CDH12: variants seen among roughly 807,000 people sequenced by gnomAD.
CDH12 encodes the protein cadherin-12.
Under a neutral mutation model 74.1 loss-of-function variants are expected in CDH12, and 41 were observed. The ratio of observed to expected loss-of-function variants is 0.55; its 90% CI spans 0.43 to 0.72. CDH12 has a LOEUF of 0.72. CDH12 is among the 30% of genes least tolerant of loss of function. The pLI, the probability that CDH12 is intolerant of heterozygous loss-of-function variation, is 0.00. For synonymous variants in CDH12, 399 were observed against 355.0 expected (o/e 1.12, Z -1.39); for missense variants, 945 against 977.2 (o/e 0.97, Z 0.44).
At chr5:22,231,198 T>C (rs1421121367) in intron 3 of CDH12, among the ~76,000 whole-genome samples, 4 of 152,154 alleles carry the variant, frequency 2.6e-5, no homozygotes, top group Admixed American at 2.6e-4. Flanking sequence ...TATCTAAAAT[T>C]TAACAATAAA....
At chr5:22,312,629 A>G (rs1433402795) in intron 3 of CDH12, among the ~76,000 whole-genome samples, 2 of 152,202 alleles carry the variant, frequency 1.3e-5, no homozygotes, top group African/African-American at 4.8e-5. Context: ...TTAGACAGTT[A>G]AAAAGTTAAA....
chr5:22,288,467 T>C (rs2150411550), intron 3 of CDH12, among the ~76,000 whole-genome samples: 1 of 152,298 alleles, frequency 6.6e-6, no homozygotes, highest in South Asian at 2.1e-4. Flanking sequence ...TACATATGTG[T>C]GTGTATGTAC....
chr5:21,836,024 G>T (rs1042293571), intron 8 of CDH12, among the ~76,000 whole-genome samples: 5 of 151,642 alleles, frequency 3.3e-5, no homozygotes, highest in African/African-American at 1.2e-4. Flanking sequence ...TATATATGTT[G>T]TTTTTAATCT....
In CDH12 at chr5:21,783,476, C is replaced by A. The variant is rs371250155; in HGVS notation, c.1275G>T (p.Lys425Asn). The stretch of plus-strand genomic sequence containing the variant: ...TTGTAAAGTAGCTGTCCCCATCACT[C>A]TTCCAATCTATGAAGTACCTGTATA... ...SSAVRYFIDW[K>N]SDGDSYFTID... Residue 425 changes from lysine to asparagine, a missense_variant, in exon 11 of 15, where the codon AAG becomes AAT. By Grantham distance (94) the Lys-to-Asn change is moderately conservative. Around this residue, in one of 3 missense-constraint regions of CDH12, gnomAD observed 791 missense variants for 792.8 expected, o/e 1.00. Transcript: ENST00000382254. 8.1e-6 allele frequency: 13 copies of A among 1,607,134 alleles called. No individual in the cohort carries two copies. In the African/African-American group the frequency reaches 1.6e-4, roughly 20 times the overall value.
At position 22,831,845 on chromosome 5, in the gene CDH12, C is replaced by T. The variant is rs1736628281; in HGVS notation, c.-523+21213G>A. 2.0e-5 allele frequency among the ~76,000 whole-genome samples: 3 copies of T among 151,810 alleles called. No homozygotes were observed. In the South Asian group the frequency reaches 6.2e-4, roughly 32 times the overall value. ...CTGGGAGGTGGAGGTTACAGTATGCCGAGATTGCACCACCGCACTCCAGCC... is the reference window on the plus strand; with the variant it reads ...CTGGGAGGTGGAGGTTACAGTATGCTGAGATTGCACCACCGCACTCCAGCC... On this transcript the variant is annotated intron_variant, in intron 1 of 14. Transcript: ENST00000382254.
intron 1 of CDH12, among the ~76,000 whole-genome samples, chr5:22,590,642 A>G (rs941714274): frequency 3.3e-5 from 5 of 152,204 alleles, no homozygotes; most frequent in Admixed American, 6.5e-5. Flanking sequence ...TAATATACTT[A>G]TTTATGTGAC....
At position 22,017,783 on chromosome 5, in the gene CDH12, C is replaced by T. The variant is rs529828139; in HGVS notation, c.232-42398G>A. Among the ~76,000 whole-genome samples, 7 of 144,890 alleles carry T rather than the reference C, an allele frequency of 4.8e-5. No homozygotes were observed. The East Asian group carries it at 1.4e-3, about 29-fold the overall frequency. ...CCATTCTTTTTTTTTTTTTTTGAGA[C>T]AGTTTTGCTCTTGTTGCCCAGGCTG... On this transcript the variant is annotated intron_variant, in intron 5 of 14. Transcript: ENST00000382254.
chr5:22,498,901 C>CTTTTTTTTTTTTTTTTT (rs34550762), intron 2 of CDH12, among the ~76,000 whole-genome samples: 96 of 73,404 alleles, frequency 1.3e-3, no homozygotes, highest in South Asian at 1.7e-3. Flanking sequence ...TTTTCTGTTT[C>CTTTTTTTTTTTTTTTTT]TTTTTTTTTT....
At chr5:22,248,990 C>T (rs970536063) in intron 3 of CDH12, among the ~76,000 whole-genome samples, 1 of 152,004 alleles carries the variant, frequency 6.6e-6, no homozygotes, top group Non-Finnish European at 1.5e-5. Flanking sequence ...CTTTCTTCTA[C>T]CTTTTACCGT....
At chr5:22,441,378 TA>T (rs764186935) in intron 2 of CDH12, among the ~76,000 whole-genome samples, 4 of 152,090 alleles carry the variant, frequency 2.6e-5, no homozygotes, top group South Asian at 4.1e-4. Context: ...TCATTGAAGA[TA>T]TTTTTTTTTT....
rs568895357 is a variant in CDH12, at chr5:22,654,108, C to A, written c.-522-148744G>T. Among the ~76,000 whole-genome samples the A allele has an allele frequency of 6.0e-5, 9 of 149,964 alleles. No homozygotes were observed. In the East Asian group the frequency reaches 1.8e-3, roughly 30 times the overall value. ...CCTTCCTTTCTTCCTTCCTTCCTTCCCTGTCCTTCCCGTTCCTTCTCCCTT... is the reference window on the plus strand; with the variant it reads ...CCTTCCTTTCTTCCTTCCTTCCTTCACTGTCCTTCCCGTTCCTTCTCCCTT... On this transcript the variant is annotated intron_variant, in intron 1 of 14. Coordinates refer to ENST00000382254, the MANE Select transcript of CDH12 (RefSeq NM_004061.5).
At chr5:22,524,714 T>A (rs1052208290) in intron 1 of CDH12, among the ~76,000 whole-genome samples, 9 of 152,166 alleles carry the variant, frequency 5.9e-5, no homozygotes, top group Non-Finnish European at 8.8e-5. Flanking sequence ...TCAGAGTGGG[T>A]TGTGACAGTA....
At position 21,911,118 on chromosome 5, in the gene CDH12, C is replaced by A. The variant is rs1231816405; in HGVS notation, c.527-56328G>T. Among the ~76,000 whole-genome samples, 6 of 152,270 alleles carry A rather than the reference C, an allele frequency of 3.9e-5. No homozygotes were observed. In the East Asian group the frequency reaches 1.2e-3, roughly 29 times the overall value. Reference sequence around the variant, plus strand: ...CCAATGAAAGCATTAAATGTACTTTCTTAAAAAGTCCCCAGACAGAGATAG... The same window carrying A: ...CCAATGAAAGCATTAAATGTACTTTATTAAAAAGTCCCCAGACAGAGATAG... On this transcript the variant is annotated intron_variant, in intron 6 of 14. Transcript: ENST00000382254.
At chr5:21,811,127 T>C (rs1178136100) in intron 9 of CDH12, among the ~76,000 whole-genome samples, 2 of 152,128 alleles carry the variant, frequency 1.3e-5, no homozygotes, top group Non-Finnish European at 2.9e-5. Flanking sequence ...CACACAGTTA[T>C]GTTAATTTGA....
At chr5:22,243,676 A>G (rs908121078) in intron 3 of CDH12, among the ~76,000 whole-genome samples, 2 of 152,318 alleles carry the variant, frequency 1.3e-5, no homozygotes, top group African/African-American at 4.8e-5. Flanking sequence ...TATTTTTGAC[A>G]AATGGTAAAG....
chr5:22,081,736 C>T (rs564307827), intron 4 of CDH12, among the ~76,000 whole-genome samples: 45 of 152,090 alleles, frequency 3.0e-4, no homozygotes, highest in Non-Finnish European at 5.7e-4. Flanking sequence ...TCATCATTGC[C>T]GCCAGTCTGG....
chr5:21,790,921 T>C (rs1438404859), intron 10 of CDH12, among the ~76,000 whole-genome samples: 2 of 152,148 alleles, frequency 1.3e-5, no homozygotes, highest in South Asian at 2.1e-4. Context: ...ATATCCAGGC[T>C]CTATTTCACA....
chr5:21,834,456 A>T (rs1749419778), intron 8 of CDH12, among the ~76,000 whole-genome samples: 1 of 151,878 alleles, frequency 6.6e-6, no homozygotes, highest in East Asian at 1.9e-4. Context: ...TACATGGGAG[A>T]TATTTAGAAG....
chr5:21,991,345 T>C (rs1388422444), intron 5 of CDH12, among the ~76,000 whole-genome samples: 2 of 151,750 alleles, frequency 1.3e-5, no homozygotes, highest in Non-Finnish European at 2.9e-5. Flanking sequence ...CACAATGAAC[T>C]AATAACTACA....
Sources: gnomAD v4.1 joint callset for allele counts (sites outside exome capture counted in the v4.1 genomes callset) on GRCh38, gnomAD v4.1.1 for gene constraint, gnomAD v4.1.1 regional missense constraint, MANE v1.5 for transcripts, NCBI Gene and HGNC (gene_info 2026-07-23, HGNC 2026-07-21) for gene names.